Variants in ZIM2 observed in about 807,000 individuals in gnomAD.
ZIM2 encodes zinc finger imprinted 2, also known as zinc finger protein 656.
Under a neutral mutation model 38.6 loss-of-function variants are expected in ZIM2, and 14 were observed. The observed-to-expected ratio is 0.36, with a 90% confidence interval of 0.24 to 0.57. The LOEUF is 0.57. ZIM2 is among the 20% of genes least tolerant of loss of function. The pLI is 0.81. For missense variants in ZIM2, 680 were observed against 695.1 expected, an observed-to-expected ratio of 0.98 and a Z score of 0.24; for synonymous variants, 247 against 245.8, an observed-to-expected ratio of 1.00 and a Z score of -0.04.
chr19:56,816,867 C>G, intron 9 of ZIM2: 1 of 1,614,150 alleles, frequency 6.2e-7, no homozygotes, highest in Non-Finnish European at 8.5e-7. Context: ...TAGCATGAAT[C>G]TTCCGATGTT....
At chr19:56,830,256 A>G (rs1421002787) in intron 2 of ZIM2, among the ~76,000 whole-genome samples, 1 of 152,270 alleles carries the variant, frequency 6.6e-6, no homozygotes, top group Non-Finnish European at 1.5e-5. Flanking sequence ...AAACTAACAA[A>G]GTCCAAATAA....
intron 9 of ZIM2, chr19:56,815,957 C>T (rs2059938515): frequency 6.3e-7 from 1 of 1,593,426 alleles, no homozygotes. Context: ...CTACTGTATT[C>T]CCTTCCTTCA....
At chr19:56,815,178 G>T (rs1350014539) in intron 9 of ZIM2, 2 of 1,613,950 alleles carry the variant, frequency 1.2e-6, no homozygotes, top group Admixed American at 1.7e-5. Flanking sequence ...AGCCTTGAAT[G>T]ACAGGGTCTT....
chr19:56,809,112 T>C (rs986364571), intron 9 of ZIM2, among the ~76,000 whole-genome samples: 5 of 152,182 alleles, frequency 3.3e-5, no homozygotes, highest in Non-Finnish European at 5.9e-5. Context: ...ACCTACTTCA[T>C]TCCCTTCCTT....
intron 2 of ZIM2, among the ~76,000 whole-genome samples, chr19:56,828,714 G>T (rs765110548): frequency 6.6e-6 from 1 of 152,136 alleles, no homozygotes; most frequent in African/African-American, 2.4e-5. Flanking sequence ...TTGGCATTAG[G>T]AAAAATAGCC....
rs1329586264 is a variant in ZIM2, at chr19:56,818,664, C to T, written c.333G>A (p.Glu111=). ...GGATTGTGTTGTGAGGTTTCCTGTCCTCAGCGAGGTCCACCACATTTTGGT... is the reference window on the plus strand; with the variant it reads ...GGATTGTGTTGTGAGGTTTCCTGTCTTCAGCGAGGTCCACCACATTTTGGT... ...ESYQNVVDLA[E]DRKPHNTIQD... is the part of the protein sequence containing the mutation. Residue 111 remains glutamate (E), a synonymous_variant, in exon 8 of 13, where the codon GAG becomes GAA. Transcript: ENST00000629319. 1 of 1,614,142 alleles carries T rather than the reference C, an allele frequency of 6.2e-7. No homozygotes were observed. The highest frequency in any genetic ancestry group is 1.1e-5 in the South Asian group (1 of 91,076).
chr19:56,796,477 C>T (rs1039609849), intron 9 of ZIM2, among the ~76,000 whole-genome samples: 2 of 152,134 alleles, frequency 1.3e-5, no homozygotes, highest in South Asian at 2.1e-4. Context: ...GTGGCATCCC[C>T]GAAGCTGGAT....
chr19:56,812,589 G>A, intron 9 of ZIM2: 1 of 985,760 alleles, frequency 1.0e-6, no homozygotes, highest in Non-Finnish European at 1.2e-6. Context: ...AAGCCATGTT[G>A]CTACTTGTCA....
At position 56,823,617 on chromosome 19, in the gene ZIM2, G is replaced by C; in HGVS notation, c.79C>G (p.Pro27Ala). 1 of 1,614,122 alleles carries C rather than the reference G, an allele frequency of 6.2e-7. No individual in the cohort carries two copies. The highest frequency in any genetic ancestry group is 8.5e-7 in the Non-Finnish European group (1 of 1,180,024). Reference protein sequence around the residue: ...DMTRNRRESSPPHSVHSFSGD... With the variant: ...DMTRNRRESSAPHSVHSFSGD... ...CTGAAAGAATGGACTGAGTGAGGTG[G>C]TGAGGACTCTCTTCTGTTCCGGGTC... The change falls in exon 5 of 13, where the codon CCA becomes GCA. Residue 27 changes from proline to alanine, a missense_variant. Coordinates refer to ENST00000629319, the MANE Select transcript of ZIM2 (RefSeq NM_001387356.1).
intron 9 of ZIM2, among the ~76,000 whole-genome samples, chr19:56,806,834 G>A (rs945218696): frequency 6.6e-6 from 1 of 152,118 alleles, no homozygotes; most frequent in African/African-American, 2.4e-5. Context: ...GCCATGTGAG[G>A]ATGCAGCAAG....
chr19:56,817,246 T>C lies in ZIM2; in HGVS notation c.490+500A>G, dbSNP rs2060063205. ...TTGATCGTGAATCGAGCCCTTCCCA[T>C]CTGTGTCAAAATGATAGCGCCTCTT... On this transcript the variant is annotated intron_variant, in intron 9 of 12. Transcript: ENST00000629319. 3.1e-6 allele frequency: 5 copies of C among 1,613,962 alleles called. No individual in the cohort carries two copies. The highest frequency in any genetic ancestry group is 4.2e-6 in the Non-Finnish European group (5 of 1,179,968).
chr19:56,820,510 T>C (rs1187969370), intron 7 of ZIM2, among the ~76,000 whole-genome samples: 2 of 152,214 alleles, frequency 1.3e-5, no homozygotes, highest in Non-Finnish European at 2.9e-5. Context: ...GCCTTCTTCC[T>C]ATATCCCAGC....
In ZIM2 at chr19:56,779,374, C is replaced by A; in HGVS notation, c.835+3G>T. ...CACCCCGGGCTTCCCCCTCACTACTCACCTTGACAAATCACTGTATGTCTG... is the reference window on the plus strand; with the variant it reads ...CACCCCGGGCTTCCCCCTCACTACTAACCTTGACAAATCACTGTATGTCTG... On this transcript the variant is annotated splice_donor_region_variant and intron_variant, in intron 12 of 12. Transcript: ENST00000629319. 6.2e-7 allele frequency: 1 copy of A among 1,613,558 alleles called. No homozygotes were observed. The highest frequency in any genetic ancestry group is 1.1e-5 in the South Asian group (1 of 91,040).
intron 6 of ZIM2, 130 bp from the exon 7 acceptor site, chr19:56,821,884 A>G: frequency 1.1e-6 from 1 of 950,568 alleles, no homozygotes; most frequent in Non-Finnish European, 1.6e-6. Context: ...TCTTCTCTGC[A>G]TTCTGTGGCA....
intron 10 of ZIM2, chr19:56,782,597 A>G (rs923869791): frequency 4.2e-5 from 14 of 333,128 alleles, no homozygotes; most frequent in African/African-American, 3.0e-4. Flanking sequence ...AAAATTAAGT[A>G]ATTGAGTGAA....
At chr19:56,782,372 G>T in intron 10 of ZIM2, 1 of 496,968 alleles carries the variant, frequency 2.0e-6, no homozygotes, top group Non-Finnish European at 3.7e-6. Context: ...ATGCAAGCAT[G>T]CAAATACTTA....
intron 9 of ZIM2, among the ~76,000 whole-genome samples, chr19:56,805,041 C>T (rs2047691172): frequency 6.6e-6 from 1 of 152,204 alleles, no homozygotes; most frequent in Non-Finnish European, 1.5e-5. Flanking sequence ...GCTCTGTCCC[C>T]CTTCCTTTGC....
intron 9 of ZIM2, chr19:56,798,969 G>A (rs2047364098): frequency 6.6e-6 from 1 of 152,134 alleles, no homozygotes; most frequent in African/African-American, 2.4e-5. Context: ...AACAACAGAT[G>A]ATAGCAAGGT....
rs779210073 is a variant in ZIM2, at chr19:56,814,404, G to T, written c.490+3342C>A. 1 of 1,613,998 alleles carries T rather than the reference G, an allele frequency of 6.2e-7. No homozygotes were observed. Among genetic ancestry groups the T allele is most frequent in the South Asian group, 1.1e-5 (1 of 91,072 alleles). ...GATGAAGCTCCTTATGTTTAGTGAG[G>T]ACTGTGCTATGAATAAAGGACTTAC... On this transcript the variant is annotated intron_variant, in intron 9 of 12. Coordinates refer to ENST00000629319, the MANE Select transcript of ZIM2 (RefSeq NM_001387356.1). The surrounding 1 kb of genome is among the most constrained non-coding windows in gnomAD (Gnocchi z 5.8).
Sources: allele counts gnomAD v4.1 joint callset (sites outside exome capture counted in the v4.1 genomes callset), GRCh38; gene constraint gnomAD v4.1.1; non-coding constraint Gnocchi (gnomAD v3.1); transcripts MANE v1.5; gene names NCBI Gene and HGNC (gene_info 2026-07-23, HGNC 2026-07-21).